Variants in CSNK1G1 observed in about 807,000 individuals in gnomAD.
The protein encoded by CSNK1G1 is casein kinase I isoform gamma-1.
In CSNK1G1, 22 loss-of-function variants were observed where a neutral mutation model predicts 59.6. That is an observed-to-expected ratio of 0.37 (90% CI 0.26 to 0.53). The LOEUF (loss-of-function observed/expected upper bound fraction) is 0.53, where lower values mean the gene tolerates loss of function less well. Among genes scored for constraint, CSNK1G1 ranks in the 20% least tolerant of loss-of-function variants. CSNK1G1 has a pLI of 0.89. For missense variants in CSNK1G1, 384 were observed against 519.5 expected, an observed-to-expected ratio of 0.74 and a Z score of 2.54; for synonymous variants, 179 against 177.1, an observed-to-expected ratio of 1.01 and a Z score of -0.08.
intron 2 of CSNK1G1, among the ~76,000 whole-genome samples, chr15:64,270,260 T>C (rs895245497): frequency 6.6e-6 from 1 of 152,170 alleles, no homozygotes; most frequent in Non-Finnish European, 1.5e-5. Context: ...AACTTCTAGA[T>C]TTGTTGATCT....
intron 4 of CSNK1G1, among the ~76,000 whole-genome samples, chr15:64,218,869 T>C (rs891388765): frequency 6.6e-6 from 1 of 151,098 alleles, no homozygotes; most frequent in Non-Finnish European, 1.5e-5. Flanking sequence ...TTTTTTTTTT[T>C]TTTTACATGG....
chr15:64,217,868 G>A (rs927455127), intron 4 of CSNK1G1, among the ~76,000 whole-genome samples: 7 of 151,476 alleles, frequency 4.6e-5, no homozygotes, highest in African/African-American at 1.7e-4. Context: ...TGGTTTCACA[G>A]AGCAGAAACA....
At chr15:64,280,149 C>G (rs772549045) in intron 2 of CSNK1G1, among the ~76,000 whole-genome samples, 2 of 152,110 alleles carry the variant, frequency 1.3e-5, no homozygotes, top group Non-Finnish European at 2.9e-5. Context: ...AAGAAGTACA[C>G]GTATATACGC....
rs552831660 is a variant in CSNK1G1 at position 64,214,759 on chromosome 15, C to T, written c.445-635G>A. ...GTTCTAGCAATTCTCGTGCCTCAGC[C>T]TCCCGGGTAGCTGGGATTACATGCA... On this transcript the variant is annotated intron_variant, in intron 5 of 11. Coordinates refer to ENST00000303052, the MANE Select transcript of CSNK1G1 (RefSeq NM_022048.5). The surrounding 1 kb of genome is among the most constrained non-coding windows in gnomAD (Gnocchi z 4.3). Among the ~76,000 whole-genome samples the T allele has an allele frequency of 7.2e-4, 109 of 152,156 alleles. No homozygotes were observed. Among genetic ancestry groups the T allele is most frequent in the Non-Finnish European group, 1.3e-3 (91 of 68,002 alleles).
chr15:64,239,570 G>A (rs2082666944), intron 4 of CSNK1G1, among the ~76,000 whole-genome samples: 1 of 151,940 alleles, frequency 6.6e-6, no homozygotes, highest in Admixed American at 6.6e-5. Flanking sequence ...ATAGAGATGG[G>A]GTCTTGCTAT....
chr15:64,259,155 A>G (rs747401790), intron 3 of CSNK1G1, 46 bp downstream of exon 3: 2 of 1,484,754 alleles, frequency 1.3e-6, no homozygotes, highest in Non-Finnish European at 1.8e-6. Context: ...AGATATAAGC[A>G]ATGGGAGCAC....
chr15:64,268,740 G>A (rs896253940), intron 2 of CSNK1G1, among the ~76,000 whole-genome samples: 3 of 152,058 alleles, frequency 2.0e-5, no homozygotes, highest in Non-Finnish European at 2.9e-5. Flanking sequence ...TCAGCATCCC[G>A]CCACGGAATG....
chr15:64,249,778 A>G (rs1891972704), intron 4 of CSNK1G1, among the ~76,000 whole-genome samples: 1 of 152,258 alleles, frequency 6.6e-6, no homozygotes, highest in Admixed American at 6.5e-5. Flanking sequence ...AGAGCTTGCA[A>G]TTTTCTGTAT....
intron 2 of CSNK1G1, among the ~76,000 whole-genome samples, chr15:64,273,814 C>T (rs1030731726): frequency 1.3e-5 from 2 of 151,968 alleles, no homozygotes; most frequent in Non-Finnish European, 2.9e-5. Context: ...TGTCCTGGGC[C>T]ACACGTGGCC....
intron 1 of CSNK1G1, among the ~76,000 whole-genome samples, chr15:64,326,389 A>C (rs1053036352): frequency 6.6e-6 from 1 of 152,142 alleles, no homozygotes; most frequent in African/African-American, 2.4e-5. Context: ...CACACCTGTA[A>C]TCCCAGCACT....
At chr15:64,228,918 T>C (rs2082500415) in intron 4 of CSNK1G1, among the ~76,000 whole-genome samples, 2 of 146,124 alleles carry the variant, frequency 1.4e-5, no homozygotes, top group African/African-American at 5.1e-5. Flanking sequence ...CTTGGGAGGC[T>C]GAGACAAGAG....
chr15:64,288,066 T>C (rs1455734031), intron 2 of CSNK1G1, among the ~76,000 whole-genome samples: 1 of 152,152 alleles, frequency 6.6e-6, no homozygotes, highest in Non-Finnish European at 1.5e-5. Flanking sequence ...CCTAATATCA[T>C]GACAAATTTT....
At chr15:64,284,914 T>C (rs1255174812) in intron 2 of CSNK1G1, among the ~76,000 whole-genome samples, 2 of 152,126 alleles carry the variant, frequency 1.3e-5, no homozygotes, top group Non-Finnish European at 2.9e-5. Flanking sequence ...TGTTAACTTA[T>C]ACTGTATACA....
chr15:64,343,208 A>AACACACACACACACACACACACAC (rs3057760), intron 1 of CSNK1G1, among the ~76,000 whole-genome samples: 17,087 of 109,710 alleles, frequency 0.16, 2,048 homozygotes, highest in Admixed American at 0.2. Flanking sequence ...GCAAAACTCC[A>AACACACACACACACACACACACAC]ACACACACAC....
chr15:64,259,171 CATTA>C (rs1892555708), intron 3 of CSNK1G1, 26 bp downstream of exon 3: 1 of 1,555,510 alleles, frequency 6.4e-7, no homozygotes, highest in Middle Eastern at 1.7e-4. Context: ...AGCACCAAAA[CATTA>C]ATTACCACAA....
rs1031652505 is a variant in CSNK1G1 at position 64,204,895 on chromosome 15, G to A, written c.820C>T (p.Pro274Ser). Residue 274 changes from proline to serine, a missense_variant, in exon 8 of 12, where the codon CCC (proline) becomes TCC (serine). Around this residue, in one of 3 missense-constraint regions of CSNK1G1, gnomAD observed 325 missense variants for 440.9 expected, o/e 0.74. Coordinates refer to ENST00000303052, the MANE Select transcript of CSNK1G1 (RefSeq NM_022048.5). ...QKIGDTKRNT[P>S]IEALCENFPE... Reference sequence around the variant, plus strand: ...AAGTTCTCACAGAGAGCTTCAATGGGAGTATTCCTTTTGGTGTCACCAATT... The same window carrying A: ...AAGTTCTCACAGAGAGCTTCAATGGAAGTATTCCTTTTGGTGTCACCAATT... The A allele has an allele frequency of 1.2e-6, 2 of 1,611,398 alleles. No individual in the cohort carries two copies. Among genetic ancestry groups the A allele is most frequent in the Non-Finnish European group, 1.7e-6 (2 of 1,177,686 alleles).
Position 64,210,650 on chromosome 15 carries a change from G to T in CSNK1G1, c.680-3056C>A, listed in dbSNP as rs909187906. ...ATATTTGTTGAAGGCAGGGAGCAAG[G>T]TAACCCAGTGTTCTCACCCTAATTT... is the stretch of plus-strand genomic sequence containing the variant. On this transcript the variant is annotated intron_variant, in intron 6 of 11. Transcript: ENST00000303052. The surrounding 1 kb of genome is among the most constrained non-coding windows in gnomAD (Gnocchi z 4.2). Among the ~76,000 whole-genome samples the T allele has an allele frequency of 6.6e-6, 1 of 152,098 alleles. No individual in the cohort carries two copies. The highest frequency in any genetic ancestry group is 2.4e-5 in the African/African-American group (1 of 41,406).
chr15:64,331,369 G>A (rs1356597021), intron 1 of CSNK1G1, among the ~76,000 whole-genome samples: 6 of 125,952 alleles, frequency 4.8e-5, no homozygotes, highest in East Asian at 4.7e-4. Flanking sequence ...CAGAAATAAC[G>A]CCGCATACCT....
chr15:64,354,461 A>C (rs1898523490), intron 1 of CSNK1G1, among the ~76,000 whole-genome samples: 1 of 152,234 alleles, frequency 6.6e-6, no homozygotes, highest in African/African-American at 2.4e-5. Context: ...GGTGTAGCTG[A>C]GAAAAATCTA....
Sources: allele counts gnomAD v4.1 joint callset (sites outside exome capture counted in the v4.1 genomes callset), GRCh38; gene constraint gnomAD v4.1.1; regional missense constraint gnomAD v4.1.1; non-coding constraint Gnocchi (gnomAD v3.1); transcripts MANE v1.5; gene names NCBI Gene and HGNC (gene_info 2026-07-23, HGNC 2026-07-21).